Variants in LRBA observed in about 807,000 individuals in gnomAD.
LRBA encodes the protein LPS responsive beige-like anchor protein.
LRBA carries 176 observed loss-of-function variants against 330.0 expected under a neutral mutation model. The observed-to-expected ratio is 0.53, with a 90% CI of 0.47 to 0.60. The LOEUF (loss-of-function observed/expected upper bound fraction) is 0.60, where lower values mean the gene tolerates loss of function less well. Among genes scored for constraint, LRBA ranks in the 20% least tolerant of loss-of-function variants. The pLI is 0.00. For missense variants in LRBA, 3,259 were observed against 3,444.8 expected, an observed-to-expected ratio of 0.95 and a Z score of 1.35; for synonymous variants, 1,230 against 1,193.0, an observed-to-expected ratio of 1.03 and a Z score of -0.64.
chr4:150,510,069 G>A (rs1761655641), intron 40 of LRBA, among the ~76,000 whole-genome samples: 1 of 152,178 alleles, frequency 6.6e-6, no homozygotes, highest in African/African-American at 2.4e-5. Flanking sequence ...CCAGGAGGGA[G>A]GTGGAGGTTG....
chr4:150,860,860 G>A (rs991270570), intron 22 of LRBA, among the ~76,000 whole-genome samples: 2 of 151,984 alleles, frequency 1.3e-5, no homozygotes, highest in Admixed American at 1.3e-4. Context: ...CTATAGTCAT[G>A]CATCACTTAA....
At chr4:150,988,510 C>G (rs964710947) in intron 2 of LRBA, among the ~76,000 whole-genome samples, 1 of 152,058 alleles carries the variant, frequency 6.6e-6, no homozygotes, top group African/African-American at 2.4e-5. Context: ...ATGATTAAAG[C>G]TGGCTGATGA....
Position 150,964,358 on chromosome 4 carries a change from C to T in LRBA, c.217-35293G>A, listed in dbSNP as rs574834766. Among the ~76,000 whole-genome samples the T allele has an allele frequency of 2.0e-5, 3 of 149,626 alleles. 1 individual carries two copies. The highest frequency in any genetic ancestry group is 5.1e-5 in the African/African-American group (2 of 38,996). On this transcript the variant is annotated intron_variant, in intron 2 of 56. Transcript: ENST00000651943. ...GCTCATTGAGAACGGGCCATGATGACGATGGCGGTTTTGTCGAATAGAAAA... is the reference window on the plus strand; with the variant it reads ...GCTCATTGAGAACGGGCCATGATGATGATGGCGGTTTTGTCGAATAGAAAA...
chr4:150,623,977 T>C (rs566226515), intron 37 of LRBA, among the ~76,000 whole-genome samples: 3 of 152,232 alleles, frequency 2.0e-5, no homozygotes, highest in South Asian at 2.1e-4. Context: ...TAGTATGTTA[T>C]AGATAACTGA....
intron 34 of LRBA, among the ~76,000 whole-genome samples, chr4:150,772,463 T>G (rs1736714587): frequency 6.6e-6 from 1 of 152,212 alleles, no homozygotes; most frequent in African/African-American, 2.4e-5. Context: ...TCACTTCGAT[T>G]TGATGACAGA....
intron 31 of LRBA, among the ~76,000 whole-genome samples, chr4:150,812,120 G>GA (rs958450304): frequency 6.6e-6 from 1 of 152,004 alleles, no homozygotes; most frequent in Non-Finnish European, 1.5e-5. Flanking sequence ...TCCTGCTGTG[G>GA]AAAAAAATGT....
chr4:150,541,600 T>G (rs1224765131), intron 40 of LRBA, among the ~76,000 whole-genome samples: 1 of 152,238 alleles, frequency 6.6e-6, no homozygotes, highest in African/African-American at 2.4e-5. Context: ...TTTCAGAAGT[T>G]TAAATACATT....
chr4:150,783,226 C>G (rs1453891506), intron 34 of LRBA, among the ~76,000 whole-genome samples: 2 of 152,188 alleles, frequency 1.3e-5, no homozygotes, highest in Non-Finnish European at 2.9e-5. Context: ...TACTTTCTCA[C>G]TGCCCCTAAC....
At chr4:150,281,294 C>T (rs772093128) in intron 55 of LRBA, among the ~76,000 whole-genome samples, 14 of 151,978 alleles carry the variant, frequency 9.2e-5, no homozygotes, top group Non-Finnish European at 1.6e-4. Context: ...AAAATAAAAG[C>T]GAGTACGAGT....
intron 2 of LRBA, among the ~76,000 whole-genome samples, chr4:150,935,288 A>G (rs1325134956): frequency 6.6e-6 from 1 of 152,116 alleles, no homozygotes; most frequent in African/African-American, 2.4e-5. Flanking sequence ...TAGTAACTTC[A>G]GCTCAAAATG....
Position 150,683,735 on chromosome 4 carries a change from A to G in LRBA, c.5755-18T>C, listed in dbSNP as rs186513264. ...CACAGTGACTTGGAGAGAAAAAAAA[A>G]TAATACTATAAAAAATGTGAAAAAA... On this transcript the variant is annotated intron_variant, in intron 36 of 56. Coordinates refer to ENST00000651943, the MANE Select transcript of LRBA (RefSeq NM_001364905.1). 1.1e-4 allele frequency: 163 copies of G among 1,541,918 alleles called. 1 individual carries two copies. In the East Asian group the frequency reaches 1.8e-3, roughly 17 times the overall value.
At chr4:150,498,042 TTAA>T (rs1284131034) in intron 40 of LRBA, among the ~76,000 whole-genome samples, 1 of 152,208 alleles carries the variant, frequency 6.6e-6, no homozygotes, top group Non-Finnish European at 1.5e-5. Flanking sequence ...GCTTTAAAAA[TTAA>T]TTTCATTTAT....
In LRBA at chr4:150,742,724, C is replaced by T. The variant is rs985766159; in HGVS notation, c.5646-7358G>A. 3.3e-5 allele frequency among the ~76,000 whole-genome samples: 5 copies of T among 151,816 alleles called. No individual in the cohort carries two copies. In the East Asian group the frequency reaches 5.8e-4, roughly 18 times the overall value. ...GTAAAATAAAGAGACTTCTTCTCTA[C>T]AAAAAAACACCAAAAACAACAAAAT... On this transcript the variant is annotated intron_variant, in intron 35 of 56. Coordinates refer to ENST00000651943, the MANE Select transcript of LRBA (RefSeq NM_001364905.1).
rs1561513101 is a variant in LRBA at position 150,685,180 on chromosome 4, A to AAC, written c.5755-1464_5755-1463insGT. Among the ~76,000 whole-genome samples the AAC allele has an allele frequency of 2.6e-5, 4 of 151,086 alleles. No homozygotes were observed. In the South Asian group the frequency reaches 6.3e-4, roughly 24 times the overall value. On this transcript the variant is annotated intron_variant, in intron 36 of 56. Transcript: ENST00000651943. ...TGAAAATTGTAGAAAAACAGAGCTCACTCCAGAATCATGAACTTCCAGATC... is the reference window on the plus strand; with the variant it reads ...TGAAAATTGTAGAAAAACAGAGCTCAACCTCCAGAATCATGAACTTCCAGATC...
intron 50 of LRBA, among the ~76,000 whole-genome samples, chr4:150,320,316 A>C (rs1230366821): frequency 6.6e-6 from 1 of 152,132 alleles, no homozygotes; most frequent in African/African-American, 2.4e-5. Flanking sequence ...ACTGTTTATG[A>C]TTCTAATGGT....
intron 51 of LRBA, chr4:150,315,286 T>C: frequency 3.9e-6 from 2 of 510,108 alleles, no homozygotes; most frequent in South Asian, 2.3e-5. Context: ...ATCCTGACAG[T>C]ACTTCATGCG....
chr4:150,570,244 T>A (rs1769668095), intron 40 of LRBA, among the ~76,000 whole-genome samples: 1 of 152,134 alleles, frequency 6.6e-6, no homozygotes, highest in Non-Finnish European at 1.5e-5. Flanking sequence ...TTCCAAGTTC[T>A]TTTGGAGAAC....
intron 40 of LRBA, among the ~76,000 whole-genome samples, chr4:150,544,050 G>A (rs943417344): frequency 6.6e-6 from 1 of 152,004 alleles, no homozygotes; most frequent in African/African-American, 2.4e-5. Flanking sequence ...GTATCAACTG[G>A]CATTTGTCTA....
At position 150,805,180 on chromosome 4, in the gene LRBA, AAAGG is replaced by A. The variant is rs543935614; in HGVS notation, c.5518+1087_5518+1090del. Among the ~76,000 whole-genome samples the A allele has an allele frequency of 3.5e-3, 518 of 147,494 alleles. 3 individuals carry two copies. Among genetic ancestry groups the A allele is most frequent in the African/African-American group, 0.013 (498 of 38,294 alleles). On this transcript the variant is annotated intron_variant, in intron 33 of 56. Transcript: ENST00000651943. ...TGCTCCATGCGCAAAAAGAAAAAAAAAAGGAAGGAAGGAAGGCAGAAGGAAGGAA... is the reference window on the plus strand; with the variant it reads ...TGCTCCATGCGCAAAAAGAAAAAAAAAAGGAAGGAAGGCAGAAGGAAGGAA...
Sources: allele counts gnomAD v4.1 joint callset (sites outside exome capture counted in the v4.1 genomes callset), GRCh38; gene constraint gnomAD v4.1.1; transcripts MANE v1.5; gene names NCBI Gene and HGNC (gene_info 2026-07-23, HGNC 2026-07-21).